The following ARB2A variants were observed in gnomAD, a reference collection of about 807,000 sequenced individuals.
ARB2A encodes the protein cotranscriptional regulator ARB2A.
chr5:93,666,172 T>C, the ARB2A span, among the ~76,000 whole-genome samples: 1 of 152,318 alleles, frequency 6.6e-6, no homozygotes, highest in East Asian at 1.9e-4. Flanking sequence ...GATAGAAGAT[T>C]ACACAAGATA....
the ARB2A span, chr5:93,863,425 C>CCA: frequency 6.6e-6 from 1 of 150,780 alleles, no homozygotes; most frequent in Non-Finnish European, 1.5e-5. Flanking sequence ...AACTAATTAT[C>CCA]TATATATATA....
chr5:94,058,200 T>C, the ARB2A span, among the ~76,000 whole-genome samples: 1 of 151,814 alleles, frequency 6.6e-6, no homozygotes, highest in African/African-American at 2.4e-5. Flanking sequence ...ATATTATAAA[T>C]ACCTGTCAGA....
At chr5:93,693,957 A>G in the ARB2A span, among the ~76,000 whole-genome samples, 1 of 152,222 alleles carries the variant, frequency 6.6e-6, no homozygotes, top group Non-Finnish European at 1.5e-5. Flanking sequence ...GATTATCTCA[A>G]TAGATGCAGA....
chr5:94,016,258 G>T, the ARB2A span, among the ~76,000 whole-genome samples: 1 of 152,096 alleles, frequency 6.6e-6, no homozygotes, highest in Admixed American at 6.5e-5. Context: ...ACACACACCT[G>T]GGGGTATAGT....
chr5:93,998,690 A>C, the ARB2A span, among the ~76,000 whole-genome samples: 1 of 151,990 alleles, frequency 6.6e-6, no homozygotes, highest in Non-Finnish European at 1.5e-5. Flanking sequence ...GTTTAAAGAG[A>C]TATTCCATTT....
At chr5:94,085,306 C>T in the ARB2A span, among the ~76,000 whole-genome samples, 359 of 152,286 alleles carry the variant, frequency 2.4e-3, no homozygotes, top group African/African-American at 8.3e-3. Context: ...TTTGTAAAAT[C>T]CCAGTTTCTG....
the ARB2A span, chr5:93,881,614 C>T: frequency 1.9e-6 from 3 of 1,608,854 alleles, no homozygotes; most frequent in Admixed American, 5.0e-5. Context: ...CAGATGATGA[C>T]TGTACGTGTA....
chr5:94,040,418 T>C, the ARB2A span, among the ~76,000 whole-genome samples: 2 of 151,920 alleles, frequency 1.3e-5, no homozygotes, highest in African/African-American at 4.8e-5. Flanking sequence ...GTTTGTTACA[T>C]ATGTATACAT....
At chr5:93,622,265 C>G in the ARB2A span, among the ~76,000 whole-genome samples, 1 of 152,248 alleles carries the variant, frequency 6.6e-6, no homozygotes, top group Middle Eastern at 3.4e-3. Flanking sequence ...CTAGATCACT[C>G]AATTATGCAG....
chr5:93,824,920 G>T, the ARB2A span, among the ~76,000 whole-genome samples: 1 of 152,194 alleles, frequency 6.6e-6, no homozygotes, highest in African/African-American at 2.4e-5. Context: ...TAAGCAAAAT[G>T]CCTTGGGCAT....
At chr5:93,771,692 A>C in the ARB2A span, among the ~76,000 whole-genome samples, 6 of 152,228 alleles carry the variant, frequency 3.9e-5, no homozygotes, top group Non-Finnish European at 8.8e-5. Context: ...GCAGCCAAAA[A>C]ACACATGAAA....
chr5:93,686,155 A>G, the ARB2A span, among the ~76,000 whole-genome samples: 1 of 152,184 alleles, frequency 6.6e-6, no homozygotes, highest in Admixed American at 6.5e-5. Context: ...CTTCATTCAC[A>G]TTTTTTGATA....
At chr5:93,909,209 A>G in the ARB2A span, among the ~76,000 whole-genome samples, 1,096 of 151,232 alleles carry the variant, frequency 7.2e-3, 6 homozygotes, top group Middle Eastern at 0.017. Context: ...TTTAATGGAC[A>G]TATGAATAAG....
the ARB2A span, among the ~76,000 whole-genome samples, chr5:93,775,367 A>C: frequency 6.6e-6 from 1 of 152,208 alleles, no homozygotes; most frequent in African/African-American, 2.4e-5. Context: ...ACCCATGGCC[A>C]CAGCAAACCC....
the ARB2A span, among the ~76,000 whole-genome samples, chr5:93,750,081 T>C: frequency 6.6e-6 from 1 of 152,166 alleles, no homozygotes; most frequent in Non-Finnish European, 1.5e-5. Context: ...GGAGCCTAGA[T>C]TGGTGCCTAA....
the ARB2A span, among the ~76,000 whole-genome samples, chr5:93,729,243 T>C: frequency 6.6e-6 from 1 of 152,154 alleles, no homozygotes; most frequent in African/African-American, 2.4e-5. Flanking sequence ...CCTCTGCCCA[T>C]TCCTCTAACA....
the ARB2A span, among the ~76,000 whole-genome samples, chr5:93,748,473 AAG>A: frequency 6.6e-6 from 1 of 152,144 alleles, no homozygotes. Flanking sequence ...TGAAAATAAA[AAG>A]ACAGAGGCAG....
the ARB2A span, among the ~76,000 whole-genome samples, chr5:93,766,358 C>T: frequency 6.6e-6 from 1 of 151,988 alleles, no homozygotes; most frequent in Non-Finnish European, 1.5e-5. Flanking sequence ...AACAAACAAC[C>T]CCATCAATAA....
At chr5:93,805,720 C>T in the ARB2A span, 3 of 985,156 alleles carry the variant, frequency 3.0e-6, no homozygotes, top group Non-Finnish European at 3.6e-6. Context: ...AAAGTCTGTT[C>T]AGCTCAAATG....
Sources: gnomAD v4.1 joint callset for allele counts (sites outside exome capture counted in the v4.1 genomes callset) on GRCh38, gnomAD v4.1.1 for gene constraint, MANE v1.5 for transcripts, NCBI Gene and HGNC (gene_info 2026-07-23, HGNC 2026-07-21) for gene names.